Variants in PIK3CD observed in about 807,000 individuals in gnomAD.
PIK3CD encodes the protein phosphatidylinositol-4,5-bisphosphate 3-kinase catalytic subunit delta, also known as phosphatidylinositol 4,5-bisphosphate 3-kinase catalytic subunit delta isoform.
In PIK3CD, 20 loss-of-function variants were observed where a neutral mutation model predicts 122.9. That is an observed-to-expected ratio of 0.16 (90% CI 0.11 to 0.24). The LOEUF (loss-of-function observed/expected upper bound fraction) is 0.24. PIK3CD is among the 10% of genes least tolerant of loss of function. The probability of loss-of-function intolerance (pLI) is 1.00; values close to 1 mark genes in which losing one functional copy is unlikely to be tolerated. For synonymous variants in PIK3CD, 596 were observed against 593.4 expected (o/e 1.00, Z -0.06); for missense variants, 787 against 1,406.3 (o/e 0.56, Z 7.04).
At position 9,727,019 on chromosome 1, in the gene PIK3CD, C is replaced by T. The variant is rs779164764; in HGVS notation, c.3108C>T (p.His1036=). The change falls in exon 24 of 24, where the codon CAC becomes CAT. Residue 1036 remains histidine, a synonymous_variant. Coordinates refer to ENST00000377346, the MANE Select transcript of PIK3CD (RefSeq NM_005026.5). ...AAACCAAAGTGAACTGGCTGGCCCA[C>T]AACGTGTCCAAAGACAACAGGCAGT... The part of the protein sequence containing the change: ...SWKTKVNWLA[H]NVSKDNRQ 5.0e-6 allele frequency: 8 copies of T among 1,613,982 alleles called. No homozygotes were observed. Among genetic ancestry groups the T allele is most frequent in the African/African-American group, 1.3e-5 (1 of 74,922 alleles).
rs1022788050 is a variant in PIK3CD at position 9,724,864 on chromosome 1, C to G, written c.2925C>G (p.Leu975=). 1 of 1,614,056 alleles carries G rather than the reference C, an allele frequency of 6.2e-7. No homozygotes were observed. ...TGCGGCGCCACGGGCTTCTCTTCCT[C>G]CACCTCTTTGCCCTGATGCGGGCGG... ...TILRRHGLLF[L]HLFALMRAAG... is the part of the protein sequence containing the mutation. The change falls in exon 23 of 24, where the codon CTC becomes CTG. Residue 975 remains leucine, a synonymous_variant. Coordinates refer to ENST00000377346, the MANE Select transcript of PIK3CD (RefSeq NM_005026.5). This position sits in a 1 kb window ranked among gnomAD's most constrained non-coding sequence, Gnocchi z 7.3.
chr1:9,692,327 C>A (rs1191982149), intron 2 of PIK3CD, among the ~76,000 whole-genome samples: 2 of 152,180 alleles, frequency 1.3e-5, no homozygotes, highest in South Asian at 2.1e-4. Context: ...GGGGTTAGAG[C>A]GCGGTGGCGT....
At chr1:9,721,712 G>C (rs773903742) in intron 15 of PIK3CD, 49 bp from the exon 16 acceptor site, 2 of 1,607,060 alleles carry the variant, frequency 1.2e-6, no homozygotes, top group Non-Finnish European at 1.7e-6. Flanking sequence ...GGGCGGGAGG[G>C]GCTGCGTGGT....
rs546505883 is a variant in PIK3CD at position 9,726,901 on chromosome 1, G to C, written c.2998-8G>C. On this transcript the variant is annotated splice_region_variant and splice_polypyrimidine_tract_variant and intron_variant, in intron 23 of 23. Transcript: ENST00000377346. ...CTTAACGTGGACACCGCTGTGATTT[G>C]TTTGCAGGACTCCCTGGCACTGGGG... is the stretch of plus-strand genomic sequence containing the variant. 1 of 1,613,692 alleles carries C rather than the reference G, an allele frequency of 6.2e-7. No individual in the cohort carries two copies. The highest frequency in any genetic ancestry group is 1.3e-5 in the African/African-American group (1 of 74,928).
chr1:9,692,124 C>T (rs1646217240), intron 2 of PIK3CD, among the ~76,000 whole-genome samples: 2 of 152,062 alleles, frequency 1.3e-5, no homozygotes, highest in African/African-American at 4.8e-5. Flanking sequence ...GACACTGAGG[C>T]CAGAGACCGA....
At chr1:9,688,632 G>T (rs1043055075) in intron 1 of PIK3CD, among the ~76,000 whole-genome samples, 5 of 152,094 alleles carry the variant, frequency 3.3e-5, no homozygotes, top group African/African-American at 1.2e-4. Flanking sequence ...CGAGACCAGC[G>T]TAGGCAACAT....
rs577785029 is a variant in PIK3CD, at chr1:9,728,770, G to T, written c.*1724G>T. 1 of 152,388 alleles carries T rather than the reference G, an allele frequency of 6.6e-6. No homozygotes were observed. The highest frequency in any genetic ancestry group is 2.4e-5 in the African/African-American group (1 of 41,584). The allele number at this position is 152,388 out of a possible 1,614,324, so 9.4% of individuals were successfully genotyped here. Reference sequence around the variant, plus strand: ...TTTCTGGTTTTGGGTGTACAGTCTTGTGTGCCTGGCGAGAAGAATATTTTC... The same window carrying T: ...TTTCTGGTTTTGGGTGTACAGTCTTTTGTGCCTGGCGAGAAGAATATTTTC... On this transcript the variant is annotated 3_prime_UTR_variant, in exon 24 of 24. Transcript: ENST00000377346.
At chr1:9,671,188 C>T (rs1237516769) in intron 1 of PIK3CD, among the ~76,000 whole-genome samples, 1 of 152,162 alleles carries the variant, frequency 6.6e-6, no homozygotes, top group East Asian at 1.9e-4. Flanking sequence ...CATCCTTGAT[C>T]TCCTGGGCTC....
Position 9,719,813 on chromosome 1 carries a change from T to C in PIK3CD, c.1243-108T>C, listed in dbSNP as rs9430220. On this transcript the variant is annotated intron_variant, in intron 9 of 23. Transcript: ENST00000377346. The surrounding 1 kb of genome is among the most constrained non-coding windows in gnomAD (Gnocchi z 5.5). ...GTCTCCCAGGGGTCTGGTTGGGAGATGTTAGCTGGGCTCTGGGTCTTCTCG... is the reference window on the plus strand; with the variant it reads ...GTCTCCCAGGGGTCTGGTTGGGAGACGTTAGCTGGGCTCTGGGTCTTCTCG... The C allele has an allele frequency of 0.3, 269,567 of 892,744 alleles. 49,732 individuals are homozygous for C. Among genetic ancestry groups the C allele is most frequent in the African/African-American group, 0.72 (43,717 of 61,084 alleles). The allele number at this position is 892,744 out of a possible 1,614,324, so 55.3% of individuals were successfully genotyped here.
intron 23 of PIK3CD, 89 bp from the exon 24 acceptor site, chr1:9,726,820 T>G (rs1187714376): frequency 1.3e-6 from 2 of 1,522,262 alleles, no homozygotes; most frequent in Non-Finnish European, 1.8e-6. Flanking sequence ...ACCATTTCAT[T>G]CAGTGACTCT....
At chr1:9,670,193 A>G (rs946309521) in intron 1 of PIK3CD, among the ~76,000 whole-genome samples, 2 of 151,854 alleles carry the variant, frequency 1.3e-5, no homozygotes, top group South Asian at 2.1e-4. Flanking sequence ...TTCAGAGCCA[A>G]GGAAAGGAGA....
chr1:9,653,776 G>A, intron 1 of PIK3CD: 1 of 1,363,826 alleles, frequency 7.3e-7, no homozygotes, highest in Non-Finnish European at 9.8e-7. Context: ...GCCTGCTGGA[G>A]TTTCATTTCT....
Position 9,717,461 on chromosome 1 carries a change from C to T in PIK3CD, c.931-76C>T. ...ACCCTCTCACCCGCCCCCAAGTGGT[C>T]ACGGGCCTCACCATAGGCCAGGGAG... On this transcript the variant is annotated intron_variant, in intron 7 of 23. Transcript: ENST00000377346. This position sits in a 1 kb window ranked among gnomAD's most constrained non-coding sequence, Gnocchi z 5.4. The T allele has an allele frequency of 7.0e-7, 1 of 1,430,300 alleles. No homozygotes were observed. Among genetic ancestry groups the T allele is most frequent in the Non-Finnish European group, 9.9e-7 (1 of 1,013,720 alleles). The allele number at this position is 1,430,300 out of a possible 1,614,324, so 88.6% of individuals were successfully genotyped here. A position where few individuals can be genotyped will look rare whatever the true frequency, so the allele number is the denominator to read the frequency against.
chr1:9,648,293 G>A (rs1045713735), upstream of PIK3CD, among the ~76,000 whole-genome samples: 1 of 152,156 alleles, frequency 6.6e-6, no homozygotes, highest in African/African-American at 2.4e-5. Context: ...TTGACAACTT[G>A]GCATGCCTCC....
intron 15 of PIK3CD, 65 bp from the exon 16 acceptor site, chr1:9,721,696 C>T (rs1318277880): frequency 6.2e-7 from 1 of 1,605,930 alleles, no homozygotes. Context: ...CTCGCTAGGT[C>T]CTGCTGGGCG....
In PIK3CD at chr1:9,720,941, T is replaced by TG; in HGVS notation, c.1689+37dup. On this transcript the variant is annotated intron_variant, in intron 13 of 23. Transcript: ENST00000377346. This position sits in a 1 kb window ranked among gnomAD's most constrained non-coding sequence, Gnocchi z 9.0. ...GGGGAGGCGCACCTGGGGGCGGAGC[T>TG]GGGGGCAGACCACAGCCTCTGGCTA... 1 of 1,553,986 alleles carries TG rather than the reference T, an allele frequency of 6.4e-7. No homozygotes were observed. The highest frequency in any genetic ancestry group is 8.7e-7 in the Non-Finnish European group (1 of 1,149,636).
intron 1 of PIK3CD, among the ~76,000 whole-genome samples, chr1:9,656,729 G>A (rs1421650322): frequency 6.6e-6 from 1 of 152,106 alleles, no homozygotes; most frequent in East Asian, 1.9e-4. Context: ...GATCACCTGA[G>A]GTCAGGAGTT....
chr1:9,653,018 G>A (rs1434695780), intron 1 of PIK3CD: 3 of 152,274 alleles, frequency 2.0e-5, no homozygotes, highest in African/African-American at 7.2e-5. Flanking sequence ...ACTCCATCAA[G>A]GGGGCTTCTT....
At chr1:9,636,320 A>C in the PIK3CD span, among the ~76,000 whole-genome samples, 2 of 152,108 alleles carry the variant, frequency 1.3e-5, no homozygotes, top group Admixed American at 1.3e-4. Flanking sequence ...CAGCCTCCCC[A>C]GTAGCTGGGA....
Sources: gnomAD v4.1 joint callset for allele counts (sites outside exome capture counted in the v4.1 genomes callset) on GRCh38, gnomAD v4.1.1 for gene constraint, Gnocchi (gnomAD v3.1) non-coding constraint, MANE v1.5 for transcripts, NCBI Gene and HGNC (gene_info 2026-07-23, HGNC 2026-07-21) for gene names.